DEF8: variants seen among roughly 807,000 people sequenced by gnomAD.
DEF8 encodes the protein DEF-8.
In DEF8, 38 loss-of-function variants were observed where a neutral mutation model predicts 59.1. The observed-to-expected ratio is 0.64, with a 90% confidence interval of 0.50 to 0.84. The LOEUF is 0.84. Ranked by LOEUF, DEF8 falls within the 40% of genes least tolerant of loss-of-function variation. DEF8 has a pLI of 0.00. For synonymous variants in DEF8, 265 were observed against 250.1 expected, an observed-to-expected ratio of 1.06 and a Z score of -0.56; for missense variants, 557 against 615.2, an observed-to-expected ratio of 0.91 and a Z score of 1.00.
Position 89,962,131 on chromosome 16 carries a change from G to A in DEF8, c.921+6G>A. On this transcript the variant is annotated splice_donor_region_variant and intron_variant, in intron 9 of 12. Coordinates refer to ENST00000563594, the MANE Select transcript of DEF8 (RefSeq NM_001242818.2). Reference sequence around the variant, plus strand: ...AGGAGCTGGTGGAGATTCGCGTGAGGCTGGGGCCATGGAAGTGGGGGGCGG... The same window carrying A: ...AGGAGCTGGTGGAGATTCGCGTGAGACTGGGGCCATGGAAGTGGGGGGCGG... 1 of 1,612,526 alleles carries A rather than the reference G, an allele frequency of 6.2e-7. No homozygotes were observed. The highest frequency in any genetic ancestry group is 8.5e-7 in the Non-Finnish European group (1 of 1,179,070).
intron 2 of DEF8, chr16:89,952,825 G>A (rs534525506): frequency 6.6e-6 from 1 of 152,432 alleles, no homozygotes; most frequent in East Asian, 1.9e-4. Context: ...CCACACTCCT[G>A]CCCCACAGGC....
chr16:89,964,355 AG>A, intron 11 of DEF8, 45 bp downstream of exon 11: 2 of 1,551,676 alleles, frequency 1.3e-6, no homozygotes. Flanking sequence ...CCCAGCCCTG[AG>A]GGGGGATTGG....
At position 89,955,277 on chromosome 16, in the gene DEF8, A is replaced by G. The variant is rs12597913; in HGVS notation, c.222+11A>G. On this transcript the variant is annotated intron_variant, in intron 4 of 12. Transcript: ENST00000563594. ...TTCTCCCGCCCTGTGGTAAGGTTTT[A>G]GATCTCGGAGGGGAGAGGGACTGAG... 101,666 of 1,610,474 alleles carry G rather than the reference A, an allele frequency of 0.063. 4,188 individuals carry two copies. The highest frequency in any genetic ancestry group is 0.19 in the East Asian group (8,589 of 44,844).
At position 89,961,994 on chromosome 16, in the gene DEF8, C is replaced by T; in HGVS notation, c.808-18C>T. ...CCCTGGGTGGGTGTGAGAGGTGTCA[C>T]CCGGCCGTGCCTGGCAGGTTTCTCG... On this transcript the variant is annotated intron_variant, in intron 8 of 12. Transcript: ENST00000563594. 6.2e-7 allele frequency: 1 copy of T among 1,613,330 alleles called. No individual in the cohort carries two copies. The highest frequency in any genetic ancestry group is 8.5e-7 in the Non-Finnish European group (1 of 1,179,644).
chr16:89,953,522 C>T (rs747654627), intron 2 of DEF8, among the ~76,000 whole-genome samples: 25 of 152,312 alleles, frequency 1.6e-4, no homozygotes, highest in Non-Finnish European at 2.5e-4. Flanking sequence ...GGCACAGAGC[C>T]GTGGGCCTGG....
At chr16:89,963,783 AACAG>A in intron 10 of DEF8, 1 of 490,002 alleles carries the variant, frequency 2.0e-6, no homozygotes, top group South Asian at 2.2e-5. Context: ...CAGTGAACGA[AACAG>A]ACAGGAATGC....
At position 89,966,105 on chromosome 16, in the gene DEF8, G is replaced by C; in HGVS notation, c.*142G>C. 1.6e-6 allele frequency: 1 copy of C among 606,616 alleles called. No homozygotes were observed. Among genetic ancestry groups the C allele is most frequent in the African/African-American group, 1.9e-5 (1 of 53,606 alleles). 37.6% of individuals were successfully genotyped at this position (606,616 alleles called of 1,614,324 possible). A position where few individuals can be genotyped will look rare whatever the true frequency, so the allele number is the denominator to read the frequency against. The stretch of plus-strand genomic sequence containing the variant: ...TGCTGGGCCAGAGCGGGTGGGCAGT[G>C]TCAAGGCCCGCTGTCTCCCAGGTGC... On this transcript the variant is annotated 3_prime_UTR_variant, in exon 13 of 13. Transcript: ENST00000563594.
chr16:89,963,894 A>C (rs1234482486), intron 10 of DEF8: 25 of 517,062 alleles, frequency 4.8e-5, no homozygotes, highest in East Asian at 1.8e-4. Context: ...AGGGTGGGGA[A>C]TGTGGGAAGC....
chr16:89,955,032 C>T (rs1345811727), intron 3 of DEF8, 137 bp from the exon 4 acceptor site: 4 of 645,964 alleles, frequency 6.2e-6, no homozygotes, highest in Admixed American at 2.4e-5. Flanking sequence ...CTGAGTGGTG[C>T]CCAGCTCTCA....
At chr16:89,955,793 C>T (rs976552486) in intron 4 of DEF8, among the ~76,000 whole-genome samples, 2 of 152,192 alleles carry the variant, frequency 1.3e-5, no homozygotes, top group Non-Finnish European at 2.9e-5. Flanking sequence ...AAGTTTGAGG[C>T]CGGGCGCGGT....
Position 89,961,830 on chromosome 16 carries a change from G to C in DEF8, c.773G>C (p.Arg258Pro). The C allele has an allele frequency of 1.2e-6, 2 of 1,610,846 alleles. No homozygotes were observed. Among genetic ancestry groups the C allele is most frequent in the Non-Finnish European group, 1.7e-6 (2 of 1,178,328 alleles). The part of the protein sequence containing the change: ...HWNDLAVIPA[R>P]VVHNWDFEPR... Reference sequence around the variant, plus strand: ...AACGACCTGGCTGTGATCCCTGCACGCGTTGTACACAACTGGGACTTTGAG... The same window carrying C: ...AACGACCTGGCTGTGATCCCTGCACCCGTTGTACACAACTGGGACTTTGAG... Residue 258 changes from arginine (R) to proline (P), a missense_variant, in exon 8 of 13, where the codon CGC becomes CCC. Coordinates refer to ENST00000563594, the MANE Select transcript of DEF8 (RefSeq NM_001242818.2).
chr16:89,953,397 G>A (rs567569688), intron 2 of DEF8, among the ~76,000 whole-genome samples: 4 of 152,298 alleles, frequency 2.6e-5, no homozygotes, highest in African/African-American at 9.6e-5. Flanking sequence ...GGAGCCATCA[G>A]CCCTGTGTGT....
intron 2 of DEF8, among the ~76,000 whole-genome samples, chr16:89,953,675 C>G (rs903285897): frequency 1.3e-5 from 2 of 152,192 alleles, no homozygotes; most frequent in African/African-American, 4.8e-5. Flanking sequence ...CCTGCTCACT[C>G]ACCTGTGGCA....
rs2034685127 is a variant in DEF8 at position 89,967,811 on chromosome 16, T to G, written c.*1848T>G. 1 of 198,418 alleles carries G rather than the reference T, an allele frequency of 5.0e-6. No homozygotes were observed. Among genetic ancestry groups the G allele is most frequent in the East Asian group, 1.2e-4 (1 of 8,620 alleles). The allele number at this position is 198,418 out of a possible 1,614,324, so 12.3% of individuals were successfully genotyped here. A position where few individuals can be genotyped will look rare whatever the true frequency, so the allele number is the denominator to read the frequency against. Reference sequence around the variant, plus strand: ...TGCTGGTATTTGCTGGACAAAGGGTTGGGCCCCTTTTATTTTTACCTGCCA... The same window carrying G: ...TGCTGGTATTTGCTGGACAAAGGGTGGGGCCCCTTTTATTTTTACCTGCCA... On this transcript the variant is annotated 3_prime_UTR_variant, in exon 13 of 13. Transcript: ENST00000563594.
chr16:89,965,641 G>A (rs2034540835), intron 12 of DEF8, among the ~76,000 whole-genome samples: 1 of 152,124 alleles, frequency 6.6e-6, no homozygotes, highest in East Asian at 1.9e-4. Flanking sequence ...CTGTGTGGTT[G>A]GGGGATAGCA....
chr16:89,962,853 G>A (rs1042030312), intron 9 of DEF8, among the ~76,000 whole-genome samples: 4 of 152,254 alleles, frequency 2.6e-5, no homozygotes, highest in African/African-American at 9.6e-5. Context: ...CCACTTTGAG[G>A]TGCTCTGTGG....
chr16:89,960,977 G>A lies in DEF8; in HGVS notation c.561G>A (p.Lys187=), dbSNP rs2033951683. 3 of 1,614,016 alleles carry A rather than the reference G, an allele frequency of 1.9e-6. No homozygotes were observed. The change falls in exon 7 of 13, where the codon AAG becomes AAA. Residue 187 remains lysine (K), a synonymous_variant. Coordinates refer to ENST00000563594, the MANE Select transcript of DEF8 (RefSeq NM_001242818.2). ...GTAAGTGCTTGAACCTCATCTCCAA[G>A]CCCTGTGTGAGCTCCAAAGTCAGCC... The part of the protein sequence containing the change: ...CHSKCLNLIS[K]PCVSSKVSHQ...
intron 7 of DEF8, 150 bp downstream of exon 7, chr16:89,961,245 T>C: frequency 9.1e-7 from 1 of 1,104,504 alleles, no homozygotes; most frequent in Non-Finnish European, 1.3e-6. Context: ...CAAGGGTCTG[T>C]TGCTGCCATT....
intron 7 of DEF8, among the ~76,000 whole-genome samples, chr16:89,961,426 T>C (rs746992728): frequency 6.6e-6 from 1 of 152,206 alleles, no homozygotes; most frequent in African/African-American, 2.4e-5. Context: ...AGACGGGGTC[T>C]AGGGAGAGTA....
Sources: allele counts gnomAD v4.1 joint callset (sites outside exome capture counted in the v4.1 genomes callset), GRCh38; gene constraint gnomAD v4.1.1; transcripts MANE v1.5; gene names NCBI Gene and HGNC (gene_info 2026-07-23, HGNC 2026-07-21).